The following KYAT1 variants were observed in gnomAD, a reference collection of about 807,000 sequenced individuals.
The protein encoded by KYAT1 is kynurenine aminotransferase 1, also known as kynurenine--oxoglutarate transaminase 1.
Under a neutral mutation model 52.4 loss-of-function variants are expected in KYAT1, and 47 were observed. The ratio of observed to expected loss-of-function variants is 0.90; its 90% CI spans 0.71 to 1.14. The LOEUF (loss-of-function observed/expected upper bound fraction) is 1.14. Ranked by LOEUF, KYAT1 falls within the 50% of genes most tolerant of loss-of-function variation. The probability of loss-of-function intolerance (pLI) is 0.00; values close to 1 mark genes in which losing one functional copy is unlikely to be tolerated. For synonymous variants in KYAT1, 212 were observed against 209.6 expected (o/e 1.01, Z -0.10); for missense variants, 480 against 557.9 (o/e 0.86, Z 1.41).
chr9:128,841,691 T>C (rs1264310635), intron 3 of KYAT1, among the ~76,000 whole-genome samples: 3 of 45,636 alleles, frequency 6.6e-5, no homozygotes, highest in Admixed American at 3.1e-4. Context: ...GGAGACTCCA[T>C]CTCAAAAAAA....
intron 1 of KYAT1, among the ~76,000 whole-genome samples, chr9:128,857,574 C>T (rs1427131160): frequency 2.6e-5 from 4 of 152,184 alleles, no homozygotes; most frequent in Non-Finnish European, 4.4e-5. Context: ...CGGTGTCTCA[C>T]GCCTGTAATC....
chr9:128,849,796 A>C (rs1221197869), intron 1 of KYAT1, among the ~76,000 whole-genome samples: 30 of 76,086 alleles, frequency 3.9e-4, no homozygotes, highest in Non-Finnish European at 8.3e-4. Context: ...ACTCTGTCTC[A>C]AAAAAAAAAA....
At chr9:128,853,503 C>T (rs1374200825) in intron 1 of KYAT1, among the ~76,000 whole-genome samples, 1 of 152,170 alleles carries the variant, frequency 6.6e-6, no homozygotes, top group Non-Finnish European at 1.5e-5. Flanking sequence ...ATATGTAGTA[C>T]AGGCTACAAA....
At chr9:128,878,852 T>C (rs993847324) in intron 1 of KYAT1, among the ~76,000 whole-genome samples, 12 of 152,116 alleles carry the variant, frequency 7.9e-5, no homozygotes, top group African/African-American at 2.7e-4. Flanking sequence ...ACACAACAGA[T>C]AGGCAGATAG....
chr9:128,861,760 C>G (rs2805101), intron 1 of KYAT1, among the ~76,000 whole-genome samples: 151,839 of 152,346 alleles, frequency 1, 75,671 homozygotes, highest in Middle Eastern at 1. Context: ...CTCAGCTAAA[C>G]GGATGAGCGG....
chr9:128,869,133 C>A (rs1391819752), intron 1 of KYAT1, among the ~76,000 whole-genome samples: 1 of 151,964 alleles, frequency 6.6e-6, no homozygotes, highest in African/African-American at 2.4e-5. Flanking sequence ...AGCCACTGCG[C>A]CTGGCCTTAT....
At chr9:128,842,618 T>C in intron 3 of KYAT1, 36 bp downstream of exon 3, 1 of 1,600,348 alleles carries the variant, frequency 6.2e-7, no homozygotes, top group South Asian at 1.1e-5. Flanking sequence ...GTCCCCTTCC[T>C]CCCCCAGTGC....
chr9:128,879,122 A>G (rs1838440941), intron 1 of KYAT1, among the ~76,000 whole-genome samples: 2 of 152,170 alleles, frequency 1.3e-5, no homozygotes, highest in Admixed American at 1.3e-4. Context: ...CATCCTGGCT[A>G]ACACGGTGAA....
chr9:128,844,318 C>CA (rs1299310646), intron 2 of KYAT1, among the ~76,000 whole-genome samples: 1 of 152,120 alleles, frequency 6.6e-6, no homozygotes, highest in East Asian at 1.9e-4. Context: ...CCGAGGAGGG[C>CA]AGATCCCTTG....
intron 1 of KYAT1, among the ~76,000 whole-genome samples, chr9:128,874,088 T>G (rs1343177593): frequency 6.6e-6 from 1 of 151,538 alleles, no homozygotes; most frequent in Non-Finnish European, 1.5e-5. Flanking sequence ...AAACCCCGTC[T>G]CTATTAAATA....
In KYAT1 at chr9:128,874,453, A is replaced by G. The variant is rs558870065; in HGVS notation, c.-7+7444T>C. 3.3e-5 allele frequency among the ~76,000 whole-genome samples: 5 copies of G among 150,712 alleles called. No individual in the cohort carries two copies. The East Asian group carries it at 8.0e-4, about 24-fold the overall frequency. On this transcript the variant is annotated intron_variant, in intron 1 of 12. Transcript: ENST00000302586. ...CATTCTCCTGAGTTGCTGAGACAAT[A>G]AGCACGAACCACCATGCTCAGCTAT...
intron 1 of KYAT1, among the ~76,000 whole-genome samples, chr9:128,877,229 T>A (rs1164893670): frequency 6.6e-6 from 1 of 152,086 alleles, no homozygotes; most frequent in Non-Finnish European, 1.5e-5. Context: ...GTTGCCCATC[T>A]TCACTCAAGC....
rs557496053 is a variant in KYAT1 at position 128,857,902 on chromosome 9, CAT to C, written c.-6-12493_-6-12492del. On this transcript the variant is annotated intron_variant, in intron 1 of 12. Coordinates refer to ENST00000302586, the MANE Select transcript of KYAT1 (RefSeq NM_004059.5). ...CTAAAACAAGAAAACTAGAAGAAAA[CAT>C]AGGAATAAATCTCTGTGACCTTGGG... Among the ~76,000 whole-genome samples, 34 of 152,176 alleles carry C rather than the reference CAT, an allele frequency of 2.2e-4. No individual in the cohort carries two copies. The South Asian group carries it at 5.4e-3, about 24-fold the overall frequency.
intron 3 of KYAT1, among the ~76,000 whole-genome samples, chr9:128,839,366 T>C (rs1321559488): frequency 6.6e-6 from 1 of 152,174 alleles, no homozygotes; most frequent in Non-Finnish European, 1.5e-5. Context: ...ATGTTGCAGC[T>C]TTGTAAGCAC....
chr9:128,865,749 G>C (rs1836283589), intron 1 of KYAT1, among the ~76,000 whole-genome samples: 1 of 152,100 alleles, frequency 6.6e-6, no homozygotes, highest in Admixed American at 6.6e-5. Context: ...TGGGAAATGA[G>C]AGAATTTGGT....
intron 2 of KYAT1, 104 bp from the exon 3 acceptor site, chr9:128,842,905 G>A (rs1198321004): frequency 3.7e-5 from 44 of 1,201,914 alleles, no homozygotes; most frequent in Non-Finnish European, 4.3e-5. Flanking sequence ...GGTGGCTCAC[G>A]CCTGTAATCC....
chr9:128,843,393 T>G (rs1832548732), intron 2 of KYAT1, among the ~76,000 whole-genome samples: 2 of 151,520 alleles, frequency 1.3e-5, no homozygotes, highest in South Asian at 4.2e-4. Context: ...TTTTTTTTTT[T>G]TTTTTGACAG....
intron 11 of KYAT1, 166 bp downstream of exon 11, chr9:128,835,157 A>G (rs117877921): frequency 0.012 from 8,118 of 668,542 alleles, 83 homozygotes; most frequent in Non-Finnish European, 0.015. Flanking sequence ...AAAAGAAAGA[A>G]AAAAAGAAAC....
At position 128,854,312 on chromosome 9, in the gene KYAT1, C is replaced by T. The variant is rs150545253; in HGVS notation, c.-6-8901G>A. ...TTTTTAACATTTATAGAAATCAGAC[C>T]GCTACTTCTGCAGAACAACATTTTA... On this transcript the variant is annotated intron_variant, in intron 1 of 12. Coordinates refer to ENST00000302586, the MANE Select transcript of KYAT1 (RefSeq NM_004059.5). Among the ~76,000 whole-genome samples the T allele has an allele frequency of 3.1e-3, 479 of 152,142 alleles. 3 individuals are homozygous for T. The highest frequency in any genetic ancestry group is 0.011 in the African/African-American group (468 of 41,498).
Sources: gnomAD v4.1 joint callset for allele counts (sites outside exome capture counted in the v4.1 genomes callset) on GRCh38, gnomAD v4.1.1 for gene constraint, MANE v1.5 for transcripts, NCBI Gene and HGNC (gene_info 2026-07-23, HGNC 2026-07-21) for gene names.